The following PPFIA2 variants were observed in gnomAD, a reference collection of about 807,000 sequenced individuals.
PPFIA2 encodes PPFI scaffold protein A2.
PPFIA2 carries 46 observed loss-of-function variants against 175.5 expected under a neutral mutation model. The observed-to-expected ratio is 0.26, with a 90% CI of 0.21 to 0.34. PPFIA2 has a LOEUF of 0.34. PPFIA2 is among the 10% of genes least tolerant of loss of function. The probability of loss-of-function intolerance (pLI) is 1.00; values close to 1 mark genes in which losing one functional copy is unlikely to be tolerated. For missense variants in PPFIA2, 1,179 were observed against 1,506.1 expected (o/e 0.78, Z 3.60); for synonymous variants, 568 against 511.4 (o/e 1.11, Z -1.49).
At chr12:81,684,070 G>A (rs1240673938) in intron 3 of PPFIA2, among the ~76,000 whole-genome samples, 2 of 152,066 alleles carry the variant, frequency 1.3e-5, no homozygotes, top group Non-Finnish European at 2.9e-5. Flanking sequence ...TCCAACATTA[G>A]GTGTCAAATT....
chr12:81,738,320 A>T (rs1382095840), intron 3 of PPFIA2, among the ~76,000 whole-genome samples: 2 of 151,948 alleles, frequency 1.3e-5, no homozygotes, highest in African/African-American at 4.8e-5. Flanking sequence ...TTAAACCAGA[A>T]AAATTACTCA....
chr12:81,486,912 G>T (rs941395221), intron 4 of PPFIA2, among the ~76,000 whole-genome samples: 2 of 151,828 alleles, frequency 1.3e-5, no homozygotes, highest in African/African-American at 4.8e-5. Context: ...GAAAACATAT[G>T]CCAATCAACT....
chr12:81,444,510 C>A (rs1275289784), intron 6 of PPFIA2, among the ~76,000 whole-genome samples: 1 of 151,918 alleles, frequency 6.6e-6, no homozygotes, highest in East Asian at 1.9e-4. Context: ...ATATTCATTT[C>A]TGTTTTATTC....
chr12:81,541,564 CTCT>C (rs774126358), intron 4 of PPFIA2, among the ~76,000 whole-genome samples: 2 of 151,956 alleles, frequency 1.3e-5, no homozygotes, highest in Non-Finnish European at 2.9e-5. Context: ...AAAATGCGTT[CTCT>C]TCTTTTGTTG....
chr12:81,649,972 A>T (rs2066767359), intron 4 of PPFIA2, among the ~76,000 whole-genome samples: 2 of 151,920 alleles, frequency 1.3e-5, no homozygotes, highest in African/African-American at 2.4e-5. Flanking sequence ...AAAGAACTAC[A>T]TACATTTTTC....
chr12:81,327,931 G>A (rs2055180738), intron 21 of PPFIA2, among the ~76,000 whole-genome samples: 1 of 151,950 alleles, frequency 6.6e-6, no homozygotes, highest in African/African-American at 2.4e-5. Context: ...ATAGATAACT[G>A]GAACTACATC....
chr12:81,389,584 C>T (rs1164972123), intron 8 of PPFIA2, among the ~76,000 whole-genome samples: 1 of 151,822 alleles, frequency 6.6e-6, no homozygotes, highest in Non-Finnish European at 1.5e-5. Context: ...TTCTCATTAC[C>T]TTAAATAGAT....
chr12:81,272,039 T>C (rs2039265950), intron 28 of PPFIA2, among the ~76,000 whole-genome samples: 1 of 152,216 alleles, frequency 6.6e-6, no homozygotes, highest in African/African-American at 2.4e-5. Context: ...TTTAAGGTAA[T>C]AATTCCATTT....
At chr12:81,749,732 C>CA (rs2153662784) in intron 3 of PPFIA2, among the ~76,000 whole-genome samples, 1 of 143,894 alleles carries the variant, frequency 6.9e-6, no homozygotes, top group East Asian at 2.1e-4. Context: ...TTATTTGCCT[C>CA]ATATTCTTTA....
chr12:81,386,416 G>T (rs1196829188), intron 8 of PPFIA2, among the ~76,000 whole-genome samples: 1 of 151,810 alleles, frequency 6.6e-6, no homozygotes, highest in Non-Finnish European at 1.5e-5. Flanking sequence ...TTGAGGCCAG[G>T]AGTTTGAGAC....
rs540403354 is a variant in PPFIA2 at position 81,427,054 on chromosome 12, C to T, written c.645+12918G>A. Among the ~76,000 whole-genome samples, 32 of 151,984 alleles carry T rather than the reference C, an allele frequency of 2.1e-4. No individual in the cohort carries two copies. In the South Asian group the frequency reaches 6.0e-3, roughly 29 times the overall value. ...ATTTGATTAATTGATTGAATACATG[C>T]TTTATTGATTTACACATTTTATGTC... is the stretch of plus-strand genomic sequence containing the variant. On this transcript the variant is annotated intron_variant, in intron 7 of 32. Coordinates refer to ENST00000549396, the MANE Select transcript of PPFIA2 (RefSeq NM_003625.5).
chr12:81,675,319 C>A (rs2072292262), intron 4 of PPFIA2, among the ~76,000 whole-genome samples: 1 of 151,732 alleles, frequency 6.6e-6, no homozygotes, highest in Non-Finnish European at 1.5e-5. Flanking sequence ...TTCAGGATAC[C>A]ATTTTTCCTT....
At chr12:81,449,659 T>C (rs980113452) in intron 5 of PPFIA2, among the ~76,000 whole-genome samples, 1 of 152,170 alleles carries the variant, frequency 6.6e-6, no homozygotes, top group African/African-American at 2.4e-5. Context: ...ATTATTATAC[T>C]GTAAGTTCTA....
At chr12:81,399,290 C>CAAAAA (rs543794696) in intron 8 of PPFIA2, among the ~76,000 whole-genome samples, 2 of 42,020 alleles carry the variant, frequency 4.8e-5, no homozygotes, top group Non-Finnish European at 9.5e-5. Context: ...TCCTTCTTCA[C>CAAAAA]AAAAAAAAAA....
At chr12:81,411,883 C>T (rs2044034273) in intron 7 of PPFIA2, among the ~76,000 whole-genome samples, 1 of 151,874 alleles carries the variant, frequency 6.6e-6, no homozygotes, top group South Asian at 2.1e-4. Flanking sequence ...GTGAGGAATG[C>T]TGTGAGGTAT....
At chr12:81,401,383 G>C (rs1296640454) in intron 8 of PPFIA2, among the ~76,000 whole-genome samples, 1 of 152,130 alleles carries the variant, frequency 6.6e-6, no homozygotes, top group Non-Finnish European at 1.5e-5. Flanking sequence ...CTGAAACTCA[G>C]AGTCAGCGGT....
chr12:81,505,534 A>G (rs1213189238), intron 4 of PPFIA2: 1 of 152,108 alleles, frequency 6.6e-6, no homozygotes, highest in Non-Finnish European at 1.5e-5. Flanking sequence ...AGCCTAATCT[A>G]TATGCAGCTC....
At chr12:81,655,244 A>C (rs1475857176) in intron 4 of PPFIA2, among the ~76,000 whole-genome samples, 6 of 151,844 alleles carry the variant, frequency 4.0e-5, no homozygotes, top group Non-Finnish European at 7.4e-5. Flanking sequence ...ATTTTCCCCC[A>C]AAAATCAACT....
intron 4 of PPFIA2, chr12:81,545,393 C>G (rs966940319): frequency 1.3e-5 from 2 of 152,176 alleles, no homozygotes; most frequent in Non-Finnish European, 2.9e-5. Context: ...CCTGGGCCTC[C>G]TCTAAGCAGT....
Sources: allele counts gnomAD v4.1 joint callset (sites outside exome capture counted in the v4.1 genomes callset), GRCh38; gene constraint gnomAD v4.1.1; transcripts MANE v1.5; gene names NCBI Gene and HGNC (gene_info 2026-07-23, HGNC 2026-07-21).